Variants in CHD8 observed in about 807,000 individuals in gnomAD.
CHD8 encodes the protein chromodomain helicase DNA binding protein 8.
A neutral mutation model predicts 279.2 loss-of-function variants in CHD8; 31 were observed. That is an observed-to-expected ratio of 0.11 (90% confidence interval 0.08 to 0.15). CHD8 has a LOEUF of 0.15. Ranked by LOEUF, CHD8 falls within the 10% of genes least tolerant of loss-of-function variation. The pLI is 1.00. For synonymous variants in CHD8, 1,081 were observed against 1,139.6 expected (o/e 0.95, Z 1.04); for missense variants, 2,146 against 3,230.5 (o/e 0.66, Z 8.14).
At chr14:21,445,892 C>A (rs554260878) in intron 1 of CHD8, among the ~76,000 whole-genome samples, 3 of 148,148 alleles carry the variant, frequency 2.0e-5, no homozygotes, top group Middle Eastern at 3.5e-3. Flanking sequence ...CCCAGCTACT[C>A]GGGAGGCTGA....
intron 32 of CHD8, 22 bp downstream of exon 32, chr14:21,393,454 A>G (rs1887637372): frequency 2.6e-6 from 4 of 1,535,084 alleles, no homozygotes; most frequent in Non-Finnish European, 3.5e-6. Context: ...AAGGGGGCCA[A>G]CAGCCTGTCA....
rs745596894 is a variant in CHD8, at chr14:21,395,016, T to C, written c.5286A>G (p.Arg1762=). ...LVTAYQRSYK[R]EQMKIEAAER... ...CTGCAGCCTCTATCTTCATTTGTTC[T>C]CTCTTGTAGCTGCGCTGATACGCTG... Residue 1762 remains arginine (R), a synonymous_variant, in exon 30 of 38, where the codon AGA becomes AGG. Coordinates refer to ENST00000646647, the MANE Select transcript of CHD8 (RefSeq NM_001170629.2). 34 of 1,613,916 alleles carry C rather than the reference T, an allele frequency of 2.1e-5. No homozygotes were observed. The highest frequency in any genetic ancestry group is 2.7e-5 in the Non-Finnish European group (32 of 1,179,896).
chr14:21,436,776 G>A (rs756721064), intron 1 of CHD8: 147 of 380,352 alleles, frequency 3.9e-4, no homozygotes, highest in Non-Finnish European at 6.6e-4. Context: ...TTTTCAGGGG[G>A]TAAAGAAGAA....
chr14:21,409,526 G>T (rs1888389578), intron 11 of CHD8, among the ~76,000 whole-genome samples: 1 of 152,160 alleles, frequency 6.6e-6, no homozygotes, highest in Non-Finnish European at 1.5e-5. Flanking sequence ...TGATATTAAA[G>T]AATGATTAAA....
At chr14:21,401,543 TGAC>T (rs1566421757) in intron 20 of CHD8, 30 bp from the exon 21 acceptor site, 2 of 1,282,942 alleles carry the variant, frequency 1.6e-6, no homozygotes, top group South Asian at 1.4e-5. Context: ...GAGGTAAAGC[TGAC>T]TTTTTTTTTT....
At chr14:21,429,478 T>C (rs371029100) in intron 2 of CHD8, 143 bp from the exon 3 acceptor site, 1 of 880,222 alleles carries the variant, frequency 1.1e-6, no homozygotes, top group Non-Finnish European at 1.9e-6. Flanking sequence ...CATCATCCTA[T>C]CTGTCTTGAT....
intron 1 of CHD8, among the ~76,000 whole-genome samples, chr14:21,453,460 G>C (rs954580522): frequency 2.0e-5 from 3 of 151,762 alleles, no homozygotes; most frequent in African/African-American, 7.3e-5. Context: ...ATGTAAGAGG[G>C]GATATAAAAA....
Position 21,391,035 on chromosome 14 carries a change from C to A in CHD8, c.7094G>T (p.Trp2365Leu), listed in dbSNP as rs752374375. 8.2e-6 allele frequency: 13 copies of A among 1,593,478 alleles called. No homozygotes were observed. Among genetic ancestry groups the A allele is most frequent in the Non-Finnish European group, 1.1e-5 (13 of 1,169,004 alleles). ...AYMEDRRKQK[W>L]QRCKKNNKAE... is the part of the protein sequence containing the mutation. ...CTTATTATTTTTTTTACATCTTTGC[C>A]ACTTCTGTTTTCTGCGATCCTCCAT... The change falls in exon 37 of 38, where the codon TGG becomes TTG. Residue 2365 changes from tryptophan to leucine, a missense_variant. Trp to Leu is a moderately conservative substitution (Grantham distance 61, BLOSUM62 -2). Around this residue, in one of 26 missense-constraint regions of CHD8, gnomAD observed 336 missense variants for 392.9 expected, o/e 0.86. Transcript: ENST00000646647.
intron 9 of CHD8, 156 bp downstream of exon 9, chr14:21,414,145 G>A (rs1255045902): frequency 1.7e-5 from 10 of 590,986 alleles, no homozygotes; most frequent in Non-Finnish European, 3.0e-5. Context: ...ACAATGCAAG[G>A]GCAGTTAAGT....
chr14:21,414,586 T>G, intron 8 of CHD8, 168 bp from the exon 9 acceptor site: 1 of 598,054 alleles, frequency 1.7e-6, no homozygotes, highest in Non-Finnish European at 2.9e-6. Flanking sequence ...ACAAACCACC[T>G]GGTATGGGAT....
At chr14:21,424,102 A>G (rs1290671525) in intron 5 of CHD8, among the ~76,000 whole-genome samples, 3 of 152,308 alleles carry the variant, frequency 2.0e-5, no homozygotes, top group African/African-American at 7.2e-5. Flanking sequence ...AGATTACTCC[A>G]CCGGACAGTT....
intron 1 of CHD8, chr14:21,436,838 T>C: frequency 2.1e-6 from 1 of 470,968 alleles, no homozygotes; most frequent in Non-Finnish European, 3.4e-6. Flanking sequence ...GGTGAGGAAG[T>C]GAGGGGTTGA....
intron 37 of CHD8, among the ~76,000 whole-genome samples, chr14:21,388,917 G>T (rs905448889): frequency 5.9e-5 from 9 of 152,140 alleles, no homozygotes; most frequent in African/African-American, 1.9e-4. Context: ...ATCAAATGGG[G>T]GAATAATTAG....
At chr14:21,437,294 GCGCCATCATTGGC>G in intron 1 of CHD8, 1 of 1,134,548 alleles carries the variant, frequency 8.8e-7, no homozygotes, top group Non-Finnish European at 1.1e-6. Flanking sequence ...TGCCCGCCCC[GCGCCATCATTGGC>G]TGAAGCGCAC....
rs531116690 is a variant in CHD8, at chr14:21,406,853, C to T, written c.2907+3G>A. The T allele has an allele frequency of 1.2e-6, 2 of 1,611,178 alleles. No homozygotes were observed. The highest frequency in any genetic ancestry group is 2.2e-5 in the South Asian group (2 of 90,700). Reference sequence around the variant, plus strand: ...TCTGCTCACAAGTCAGTGTGGAACTCACCAGGTCCATGTGCTTGAGACTAT... The same window carrying T: ...TCTGCTCACAAGTCAGTGTGGAACTTACCAGGTCCATGTGCTTGAGACTAT... On this transcript the variant is annotated splice_donor_region_variant and intron_variant, in intron 14 of 37. Transcript: ENST00000646647.
chr14:21,410,215 T>C (rs1398471445), intron 10 of CHD8, among the ~76,000 whole-genome samples: 2 of 152,280 alleles, frequency 1.3e-5, no homozygotes, highest in Admixed American at 6.5e-5. Context: ...GGAAAATTTC[T>C]ACCCACTAGT....
At chr14:21,399,952 T>A (rs144484778) in intron 25 of CHD8, 29 bp downstream of exon 25, 42 of 1,577,306 alleles carry the variant, frequency 2.7e-5, no homozygotes, top group Non-Finnish European at 3.6e-5. Flanking sequence ...AGGTAGGGCA[T>A]AAATCAAAAA....
chr14:21,408,011 T>G lies in CHD8; in HGVS notation c.2730+301A>C, dbSNP rs2139480859. On this transcript the variant is annotated intron_variant, in intron 13 of 37. Transcript: ENST00000646647. This position sits in a 1 kb window ranked among gnomAD's most constrained non-coding sequence, Gnocchi z 4.3. ...GGATTAAGTGGCTAAAGGAATTTAA[T>G]TTTTGTAAAATACTGTGATTAAAAT... Among the ~76,000 whole-genome samples, 1 of 152,316 alleles carries G rather than the reference T, an allele frequency of 6.6e-6. No homozygotes were observed. Among genetic ancestry groups the G allele is most frequent in the East Asian group, 1.9e-4 (1 of 5,184 alleles).
At chr14:21,418,935 A>G (rs1385275099) in intron 5 of CHD8, among the ~76,000 whole-genome samples, 1 of 152,250 alleles carries the variant, frequency 6.6e-6, no homozygotes, top group Admixed American at 6.5e-5. Context: ...ACTGACTACA[A>G]GGGAGTACAG....
Sources: gnomAD v4.1 joint callset for allele counts (sites outside exome capture counted in the v4.1 genomes callset) on GRCh38, gnomAD v4.1.1 for gene constraint, gnomAD v4.1.1 regional missense constraint, Gnocchi (gnomAD v3.1) non-coding constraint, MANE v1.5 for transcripts, NCBI Gene and HGNC (gene_info 2026-07-23, HGNC 2026-07-21) for gene names.